The following ATG13 variants were observed in gnomAD, a reference collection of about 807,000 sequenced individuals.
ATG13 encodes autophagy-related protein 13.
In ATG13, 23 loss-of-function variants were observed where a neutral mutation model predicts 65.5. The observed-to-expected ratio is 0.35, with a 90% CI of 0.25 to 0.50. ATG13 has a LOEUF of 0.50. Among genes scored for constraint, ATG13 ranks in the 20% least tolerant of loss-of-function variants. The probability of loss-of-function intolerance (pLI) is 0.98; values close to 1 mark genes in which losing one functional copy is unlikely to be tolerated. For missense variants in ATG13, 566 were observed against 677.0 expected (o/e 0.84, Z 1.82); for synonymous variants, 252 against 245.2 (o/e 1.03, Z -0.26).
In ATG13 at chr11:46,668,874, T is replaced by C; in HGVS notation, c.1410T>C (p.Ser470=). ...CAGATGGCTCCAGCGGGGGCAGCAG[T>C]GGCAATACCCATGATGACTTTGTTA... The part of the protein sequence containing the change: ...LHSDGSSGGS[S]GNTHDDFVMI... Residue 470 remains serine, a synonymous_variant, in exon 17 of 19, where the codon AGT becomes AGC. Transcript: ENST00000683050. 6.2e-7 allele frequency: 1 copy of C among 1,614,026 alleles called. No homozygotes were observed. The highest frequency in any genetic ancestry group is 8.5e-7 in the Non-Finnish European group (1 of 1,180,002).
intron 2 of ATG13, chr11:46,638,591 C>G (rs1213121220): frequency 6.6e-6 from 1 of 152,202 alleles, no homozygotes; most frequent in African/African-American, 2.4e-5. Flanking sequence ...TCAACCTACA[C>G]CCTACTTCCC....
At chr11:46,631,184 G>A (rs1041826291) in intron 2 of ATG13, among the ~76,000 whole-genome samples, 1 of 152,152 alleles carries the variant, frequency 6.6e-6, no homozygotes, top group Non-Finnish European at 1.5e-5. Flanking sequence ...CTATATGTAT[G>A]TATGTATGTA....
At chr11:46,636,109 C>A (rs2053860579) in intron 2 of ATG13, among the ~76,000 whole-genome samples, 2 of 151,964 alleles carry the variant, frequency 1.3e-5, no homozygotes, top group Admixed American at 1.3e-4. Flanking sequence ...GTAGGTAAGT[C>A]ATTTATAGTT....
intron 1 of ATG13, among the ~76,000 whole-genome samples, chr11:46,624,453 A>G (rs1269427690): frequency 1.3e-5 from 2 of 151,252 alleles, no homozygotes; most frequent in South Asian, 2.1e-4. Flanking sequence ...TAGTTGTCAC[A>G]CTTTATTCTC....
At chr11:46,626,685 T>C (rs921589394) in intron 1 of ATG13, among the ~76,000 whole-genome samples, 1 of 152,258 alleles carries the variant, frequency 6.6e-6, no homozygotes, top group African/African-American at 2.4e-5. Flanking sequence ...ATCTCATTTG[T>C]AAATAAAGTT....
chr11:46,620,615 A>G (rs902118168), intron 1 of ATG13, among the ~76,000 whole-genome samples: 1 of 151,724 alleles, frequency 6.6e-6, no homozygotes, highest in African/African-American at 2.4e-5. Flanking sequence ...GTCTCTACCA[A>G]AAATACAAAA....
At chr11:46,643,725 G>C (rs948000414) in intron 2 of ATG13, among the ~76,000 whole-genome samples, 51 of 151,756 alleles carry the variant, frequency 3.4e-4, no homozygotes, top group African/African-American at 1.1e-3. Flanking sequence ...CAATGTGTTG[G>C]GATTACAGGC....
rs959569616 is a variant in ATG13, at chr11:46,617,893, A to G, written c.-70+3A>G. The G allele has an allele frequency of 5.0e-6, 2 of 399,002 alleles. No homozygotes were observed. Among genetic ancestry groups the G allele is most frequent in the African/African-American group, 4.1e-5 (2 of 48,644 alleles). The allele number at this position is 399,002 out of a possible 1,614,324, so 24.7% of individuals were successfully genotyped here. On this transcript the variant is annotated splice_donor_region_variant and intron_variant, in intron 1 of 18. Transcript: ENST00000683050. The stretch of plus-strand genomic sequence containing the variant: ...CTCTTTGTGCCGCAGCTTCGCAGGT[A>G]CTAACTTTTGCGGGGGATACCCCAA...
At chr11:46,619,568 A>C (rs1278620795) in intron 1 of ATG13, among the ~76,000 whole-genome samples, 1 of 151,060 alleles carries the variant, frequency 6.6e-6, no homozygotes, top group Non-Finnish European at 1.5e-5. Flanking sequence ...ATTTTTAGTA[A>C]AGATGGGGTT....
intron 1 of ATG13, among the ~76,000 whole-genome samples, chr11:46,619,971 G>T (rs570208478): frequency 6.7e-6 from 1 of 148,920 alleles, no homozygotes; most frequent in East Asian, 2.1e-4. Flanking sequence ...GGAGGTTGCA[G>T]TGAGCCTAGA....
chr11:46,659,293 C>T (rs2060660230), intron 10 of ATG13, 99 bp from the exon 11 acceptor site: 1 of 930,780 alleles, frequency 1.1e-6, no homozygotes, highest in Non-Finnish European at 1.7e-6. Context: ...TGAAACCGTT[C>T]TTAGCACAGG....
intron 11 of ATG13, among the ~76,000 whole-genome samples, chr11:46,660,284 C>A (rs560629936): frequency 1.3e-5 from 2 of 151,846 alleles, no homozygotes; most frequent in South Asian, 4.2e-4. Flanking sequence ...CTCAGTTCTA[C>A]TTGCCTTTAA....
At position 46,669,431 on chromosome 11, in the gene ATG13, C is replaced by T. The variant is rs760250544; in HGVS notation, c.1474C>T (p.Leu492Phe). 2 of 1,614,166 alleles carry T rather than the reference C, an allele frequency of 1.2e-6. No individual in the cohort carries two copies. The highest frequency in any genetic ancestry group is 1.7e-6 in the Non-Finnish European group (2 of 1,180,006). Reference protein sequence around the residue: ...FKPAFSKDDILPMDLGTFYRE... With the variant: ...FKPAFSKDDIFPMDLGTFYRE... ...ACCAGCTTTTTCTAAAGATGACATT[C>T]TTCCGATGGACCTGGGGACCTTCTA... The change falls in exon 18 of 19, where the codon CTT (leucine) becomes TTT (phenylalanine). Residue 492 changes from leucine to phenylalanine, a missense_variant. Physicochemically the swap from Leu to Phe is conservative, Grantham distance 22 (BLOSUM62 0). Coordinates refer to ENST00000683050, the MANE Select transcript of ATG13 (RefSeq NM_001346311.2).
chr11:46,654,283 T>TATATATATATATATATATATATATATA (rs1555105175), intron 7 of ATG13, among the ~76,000 whole-genome samples: 9 of 122,300 alleles, frequency 7.4e-5, no homozygotes, highest in African/African-American at 2.1e-4. Context: ...TTTTAAAATT[T>TATATATATATATATATATATATATATA]TATATATATA....
chr11:46,621,525 T>C (rs2047502561), intron 1 of ATG13, among the ~76,000 whole-genome samples: 1 of 152,184 alleles, frequency 6.6e-6, no homozygotes, highest in Non-Finnish European at 1.5e-5. Context: ...TCTACACTAA[T>C]TTTTAGGTTA....
At chr11:46,646,159 G>GT (rs1034505372) in intron 5 of ATG13, among the ~76,000 whole-genome samples, 170 bp downstream of exon 5, 7 of 151,750 alleles carry the variant, frequency 4.6e-5, no homozygotes, top group African/African-American at 1.7e-4. Flanking sequence ...GTTTTGTTTT[G>GT]TTTTTTTGAG....
At position 46,669,422 on chromosome 11, in the gene ATG13, G is replaced by GATGACATTCTTC; in HGVS notation, c.1466_1477dup (p.Leu492_Pro493insHisAspIleLeu). On this transcript the variant is annotated inframe_insertion, in exon 18 of 19. Coordinates refer to ENST00000683050, the MANE Select transcript of ATG13 (RefSeq NM_001346311.2). ...TTTGAAGAAACCAGCTTTTTCTAAA[G>GATGACATTCTTC]ATGACATTCTTCCGATGGACCTGGG... is the stretch of plus-strand genomic sequence containing the variant. 1 of 1,614,110 alleles carries GATGACATTCTTC rather than the reference G, an allele frequency of 6.2e-7. No homozygotes were observed. Among genetic ancestry groups the GATGACATTCTTC allele is most frequent in the Non-Finnish European group, 8.5e-7 (1 of 1,179,988 alleles).
chr11:46,621,382 A>T (rs1284819559), intron 1 of ATG13, among the ~76,000 whole-genome samples: 1 of 152,068 alleles, frequency 6.6e-6, no homozygotes, highest in Non-Finnish European at 1.5e-5. Flanking sequence ...TAAAATGATG[A>T]ATTTGTCTAC....
rs550315403 is a variant in ATG13, at chr11:46,673,532, A to G, written c.*1200A>G. The G allele has an allele frequency of 6.6e-6, 1 of 152,464 alleles. No homozygotes were observed. Among genetic ancestry groups the G allele is most frequent in the South Asian group, 2.1e-4 (1 of 4,828 alleles). 9.4% of individuals were successfully genotyped at this position (152,464 alleles called of 1,614,324 possible). Reference sequence around the variant, plus strand: ...GTGTGTGTCCCCCAACTGCCTGGGTACTTGTTCCTGATCCCTGGGGCTGTC... The same window carrying G: ...GTGTGTGTCCCCCAACTGCCTGGGTGCTTGTTCCTGATCCCTGGGGCTGTC... On this transcript the variant is annotated 3_prime_UTR_variant, in exon 19 of 19. Transcript: ENST00000683050.
Sources: allele counts gnomAD v4.1 joint callset (sites outside exome capture counted in the v4.1 genomes callset), GRCh38; gene constraint gnomAD v4.1.1; transcripts MANE v1.5; gene names NCBI Gene and HGNC (gene_info 2026-07-23, HGNC 2026-07-21).